The following LYN variants were observed in gnomAD, a reference collection of about 807,000 sequenced individuals.
LYN encodes the protein LYN proto-oncogene, Src family tyrosine kinase.
In LYN, 12 loss-of-function variants were observed where a neutral mutation model predicts 65.0. That is an observed-to-expected ratio of 0.18 (90% CI 0.12 to 0.30). The LOEUF (loss-of-function observed/expected upper bound fraction) is 0.30. Among genes scored for constraint, LYN ranks in the 10% least tolerant of loss-of-function variants. The pLI, the probability that LYN is intolerant of heterozygous loss-of-function variation, is 1.00. For synonymous variants in LYN, 222 were observed against 221.2 expected, an observed-to-expected ratio of 1.00 and a Z score of -0.03; for missense variants, 380 against 623.2, an observed-to-expected ratio of 0.61 and a Z score of 4.16.
At chr8:56,000,727 CAAAAAAAAAAAAAAA>C (rs1043054300) in intron 12 of LYN, among the ~76,000 whole-genome samples, 69 of 46,862 alleles carry the variant, frequency 1.5e-3, no homozygotes, top group African/African-American at 3.9e-3. Flanking sequence ...GACTCTGTCT[CAAAAAAAAAAAAAAA>C]AAAAAAAAAA....
At chr8:55,974,711 C>T (rs182992099) in intron 10 of LYN, among the ~76,000 whole-genome samples, 77 of 152,278 alleles carry the variant, frequency 5.1e-4, no homozygotes, top group Middle Eastern at 3.4e-3. Flanking sequence ...TTGTCTGGAA[C>T]GTAAGAGATG....
chr8:55,978,663 C>T (rs1333796300), intron 10 of LYN, among the ~76,000 whole-genome samples: 1 of 152,296 alleles, frequency 6.6e-6, no homozygotes, highest in African/African-American at 2.4e-5. Context: ...AGTCAGAGAG[C>T]AGGCTGGGGA....
chr8:55,886,258 T>G (rs11990283), intron 1 of LYN, among the ~76,000 whole-genome samples: 3,889 of 150,752 alleles, frequency 0.026, 125 homozygotes, highest in African/African-American at 0.09. Context: ...TTTTTTTTTT[T>G]GAGATGGAGT....
chr8:55,923,237 C>G (rs916028423), intron 1 of LYN, among the ~76,000 whole-genome samples: 1 of 152,086 alleles, frequency 6.6e-6, no homozygotes, highest in Non-Finnish European at 1.5e-5. Context: ...GGTACTGATC[C>G]TTTCTGAGAG....
chr8:56,003,255 G>T (rs1808578357), intron 12 of LYN, among the ~76,000 whole-genome samples: 1 of 151,844 alleles, frequency 6.6e-6, no homozygotes, highest in African/African-American at 2.4e-5. Flanking sequence ...TAGAGACAGG[G>T]TTTTGCCGTG....
intron 2 of LYN, among the ~76,000 whole-genome samples, chr8:55,942,933 A>G (rs2130476968): frequency 6.6e-6 from 1 of 152,310 alleles, no homozygotes; most frequent in South Asian, 2.1e-4. Context: ...TCTTCAATTA[A>G]TTCAAAATAG....
intron 1 of LYN, among the ~76,000 whole-genome samples, chr8:55,932,755 C>T (rs1199211687): frequency 6.6e-6 from 1 of 152,088 alleles, no homozygotes; most frequent in Admixed American, 6.5e-5. Context: ...TTATTATACT[C>T]GCATTTATAT....
intron 1 of LYN, among the ~76,000 whole-genome samples, chr8:55,896,303 C>T (rs554891326): frequency 1.4e-4 from 22 of 152,042 alleles, no homozygotes; most frequent in African/African-American, 4.8e-4. Flanking sequence ...GAAACAACAA[C>T]ATCAAACAAA....
chr8:55,949,102 G>A (rs1028411881), intron 4 of LYN, among the ~76,000 whole-genome samples: 4 of 152,144 alleles, frequency 2.6e-5, no homozygotes, highest in Non-Finnish European at 5.9e-5. Flanking sequence ...GAGGACTCGA[G>A]CATGGTGCTG....
chr8:55,938,109 C>T (rs148921562), intron 1 of LYN, among the ~76,000 whole-genome samples: 1 of 152,212 alleles, frequency 6.6e-6, no homozygotes, highest in Non-Finnish European at 1.5e-5. Context: ...TGAGGATGAG[C>T]CACCCCTAAT....
chr8:55,966,489 T>C (rs1320389459), intron 8 of LYN, among the ~76,000 whole-genome samples: 1 of 152,016 alleles, frequency 6.6e-6, no homozygotes, highest in Admixed American at 6.6e-5. Flanking sequence ...TGTCTCAGCA[T>C]CCTGAGTAGC....
chr8:55,959,199 G>A (rs1317255060), intron 8 of LYN, among the ~76,000 whole-genome samples: 1 of 152,066 alleles, frequency 6.6e-6, no homozygotes, highest in African/African-American at 2.4e-5. Context: ...GATGTGAGAT[G>A]GTATCTTACT....
intron 10 of LYN, among the ~76,000 whole-genome samples, chr8:55,979,530 C>T (rs1400021093): frequency 1.3e-5 from 2 of 152,180 alleles, no homozygotes; most frequent in Non-Finnish European, 2.9e-5. Context: ...AGCTCTGCAG[C>T]TCGTGGGGCT....
chr8:55,935,758 G>A (rs1307575480), intron 1 of LYN, among the ~76,000 whole-genome samples: 1 of 144,840 alleles, frequency 6.9e-6, no homozygotes, highest in East Asian at 2.0e-4. Flanking sequence ...TCCAGCCTGG[G>A]CAACAGAGGG....
rs1043054300 is a variant in LYN at position 56,000,727 on chromosome 8, C to CAA, written c.1336+1205_1336+1206dup. Reference sequence around the variant, plus strand: ...ATGGCGACAGAGTGAGACTCTGTCTCAAAAAAAAAAAAAAAAAAAAAAAAA... The same window carrying CAA: ...ATGGCGACAGAGTGAGACTCTGTCTCAAAAAAAAAAAAAAAAAAAAAAAAAAA... On this transcript the variant is annotated intron_variant, in intron 12 of 12. Coordinates refer to ENST00000519728, the MANE Select transcript of LYN (RefSeq NM_002350.4). Among the ~76,000 whole-genome samples the CAA allele has an allele frequency of 1.2e-3, 56 of 46,814 alleles. 2 individuals are homozygous for CAA. Among genetic ancestry groups the CAA allele is most frequent in the South Asian group, 3.6e-3 (3 of 830 alleles). The allele number at this position is 46,814 out of a possible 152,430, so 30.7% of individuals were successfully genotyped here. A position where few individuals can be genotyped will look rare whatever the true frequency, so the allele number is the denominator to read the frequency against.
At chr8:55,976,466 T>A (rs189198351) in intron 10 of LYN, among the ~76,000 whole-genome samples, 2 of 152,234 alleles carry the variant, frequency 1.3e-5, no homozygotes, top group Admixed American at 1.3e-4. Context: ...CCCCTCACCC[T>A]CTTGGTGTGG....
intron 1 of LYN, among the ~76,000 whole-genome samples, chr8:55,936,580 C>G (rs1806443727): frequency 6.6e-6 from 1 of 152,124 alleles, no homozygotes; most frequent in Admixed American, 6.5e-5. Context: ...GCAGAGTTTG[C>G]AGTGAGCAGA....
At chr8:55,911,057 C>CT (rs1805587959) in intron 1 of LYN, among the ~76,000 whole-genome samples, 1 of 53,524 alleles carries the variant, frequency 1.9e-5, no homozygotes, top group Non-Finnish European at 3.5e-5. Context: ...CCTCCATGTC[C>CT]GGCTAATTTA....
intron 12 of LYN, among the ~76,000 whole-genome samples, chr8:56,008,506 A>G (rs944500532): frequency 6.6e-6 from 1 of 152,248 alleles, no homozygotes; most frequent in Non-Finnish European, 1.5e-5. Flanking sequence ...GAAATATGCA[A>G]AACATACAGG....
Sources: gnomAD v4.1 joint callset for allele counts (sites outside exome capture counted in the v4.1 genomes callset) on GRCh38, gnomAD v4.1.1 for gene constraint, MANE v1.5 for transcripts, NCBI Gene and HGNC (gene_info 2026-07-23, HGNC 2026-07-21) for gene names.